PEG3: variants seen among roughly 807,000 people sequenced by gnomAD.
PEG3 encodes the protein paternally expressed 3.
Under a neutral mutation model 35.5 loss-of-function variants are expected in PEG3, and 23 were observed. That is an observed-to-expected ratio of 0.65 (90% CI 0.47 to 0.92). The LOEUF (loss-of-function observed/expected upper bound fraction) is 0.92, where lower values mean the gene tolerates loss of function less well. PEG3 is among the 40% of genes least tolerant of loss of function. PEG3 has a pLI of 0.00. For synonymous variants in PEG3, 707 were observed against 697.0 expected (o/e 1.01, Z -0.23); for missense variants, 1,960 against 1,985.3 (o/e 0.99, Z 0.24).
Position 56,815,658 on chromosome 19 carries a change from A to G in PEG3, c.2784T>C (p.Asn928=). 6.2e-7 allele frequency: 1 copy of G among 1,614,124 alleles called. No individual in the cohort carries two copies. Among genetic ancestry groups the G allele is most frequent in the Non-Finnish European group, 8.5e-7 (1 of 1,179,992 alleles). ...KDGEFSVPSS[N]VREYQKARAK... is the part of the protein sequence containing the mutation. ...CACGAGCCTTCTGGTATTCACGGAC[A>G]TTTGAGCTGGGAACAGAGAATTCGC... is the stretch of plus-strand genomic sequence containing the variant. Residue 928 remains asparagine, a synonymous_variant, in exon 10 of 10, where the codon AAT becomes AAC. Transcript: ENST00000326441.
rs2059639338 is a variant in PEG3 at position 56,812,949 on chromosome 19, A to G, written c.*726T>C. 8.1e-6 allele frequency: 8 copies of G among 985,742 alleles called. No homozygotes were observed. The highest frequency in any genetic ancestry group is 9.6e-6 in the Non-Finnish European group (8 of 829,924). 61.1% of individuals were successfully genotyped at this position (985,742 alleles called of 1,614,324 possible). A position where few individuals can be genotyped will look rare whatever the true frequency, so the allele number is the denominator to read the frequency against. On this transcript the variant is annotated 3_prime_UTR_variant, in exon 10 of 10. Coordinates refer to ENST00000326441, the MANE Select transcript of PEG3 (RefSeq NM_006210.3). ...ATCCGTATATTGTAAAGCCTTACACAGTATTAGGTTCCAAAGTGTTGGCGC... is the reference window on the plus strand; with the variant it reads ...ATCCGTATATTGTAAAGCCTTACACGGTATTAGGTTCCAAAGTGTTGGCGC...
At chr19:56,823,820 C>G in intron 4 of PEG3, 141 bp from the exon 5 acceptor site, 2 of 991,386 alleles carry the variant, frequency 2.0e-6, no homozygotes, top group Non-Finnish European at 3.0e-6. Context: ...GTTCAAAACC[C>G]TTCAGCGGCT....
chr19:56,816,117 C>G lies in PEG3; in HGVS notation c.2325G>C (p.Glu775Asp). ...AGGCTAAGCTATGAATAACAGACCT[C>G]TCATATGATTTTGCCTCATAGACAT... ...KENVYEAKSY[E>D]RSVIHSLASV... Residue 775 changes from glutamate to aspartate, a missense_variant, in exon 10 of 10, where the codon GAG (glutamate) becomes GAC (aspartate). Physicochemically the swap from Glu to Asp is conservative, Grantham distance 45. Transcript: ENST00000326441. The G allele has an allele frequency of 6.2e-7, 1 of 1,613,014 alleles. No homozygotes were observed. Among genetic ancestry groups the G allele is most frequent in the East Asian group, 2.2e-5 (1 of 44,870 alleles).
At chr19:56,820,951 C>G (rs1254538358) in intron 7 of PEG3, among the ~76,000 whole-genome samples, 1 of 152,216 alleles carries the variant, frequency 6.6e-6, no homozygotes, top group Non-Finnish European at 1.5e-5. Flanking sequence ...CTCCTCCACA[C>G]TCCACCATGT....
At chr19:56,826,721 C>A (rs1447413323) in intron 2 of PEG3, among the ~76,000 whole-genome samples, 4 of 152,224 alleles carry the variant, frequency 2.6e-5, no homozygotes, top group South Asian at 2.1e-4. Flanking sequence ...AAACCACGAA[C>A]CAAAACTCAT....
rs373077661 is a variant in PEG3 at position 56,824,280 on chromosome 19, C to G, written c.376G>C (p.Glu126Gln). ...KLVTLLENYK[E>Q]MYQPEDDNNS... is the part of the protein sequence containing the mutation. ...CTCTCACCTTCTGGTTGGTACATCT[C>G]CTTGTAATTCTCCAGCAGAGTGACG... is the stretch of plus-strand genomic sequence containing the variant. The change falls in exon 4 of 10, where the codon GAG becomes CAG. Residue 126 changes from glutamate (E) to glutamine (Q), a missense_variant. By Grantham distance (29) the Glu-to-Gln change is conservative. Coordinates refer to ENST00000326441, the MANE Select transcript of PEG3 (RefSeq NM_006210.3). 3 of 1,613,506 alleles carry G rather than the reference C, an allele frequency of 1.9e-6. No individual in the cohort carries two copies. Among genetic ancestry groups the G allele is most frequent in the African/African-American group, 1.3e-5 (1 of 74,616 alleles).
chr19:56,829,722 A>C (rs938391569), intron 2 of PEG3, among the ~76,000 whole-genome samples: 1 of 152,212 alleles, frequency 6.6e-6, no homozygotes, highest in African/African-American at 2.4e-5. Flanking sequence ...TTGCTGCCCA[A>C]AGGGCAACTA....
Position 56,815,908 on chromosome 19 carries a change from CTTG to C in PEG3, c.2531_2533del (p.Pro844del). The C allele has an allele frequency of 1.2e-6, 2 of 1,611,840 alleles. No individual in the cohort carries two copies. Among genetic ancestry groups the C allele is most frequent in the Non-Finnish European group, 1.7e-6 (2 of 1,178,888 alleles). On this transcript the variant is annotated inframe_deletion, in exon 10 of 10. Transcript: ENST00000326441. ...CACCAATTCATTTCCATTGTGACTTCTTGGAGGTTTGGAAGCCACTAAGCTATG... is the reference window on the plus strand; with the variant it reads ...CACCAATTCATTTCCATTGTGACTTCGAGGTTTGGAAGCCACTAAGCTATG...
At position 56,817,513 on chromosome 19, in the gene PEG3, G is replaced by C. The variant is rs753830090; in HGVS notation, c.929C>G (p.Ser310Cys). 71 of 1,609,302 alleles carry C rather than the reference G, an allele frequency of 4.4e-5. No individual in the cohort carries two copies. The highest frequency in any genetic ancestry group is 5.9e-5 in the Non-Finnish European group (69 of 1,177,116). The change falls in exon 10 of 10, where the codon TCC becomes TGC. Residue 310 changes from serine to cysteine, a missense_variant. Around this residue, in one of 5 missense-constraint regions of PEG3, gnomAD observed 613 missense variants for 577.1 expected, o/e 1.06. Coordinates refer to ENST00000326441, the MANE Select transcript of PEG3 (RefSeq NM_006210.3). ...HRRGICEDES[S>C]HGVIMEKFIK... ...GAATTTTTCCATTATCACTCCGTGG[G>C]AAGATTCATCTTCACAAATCCCCCG...
rs376551135 is a variant in PEG3, at chr19:56,821,659, G to A, written c.661C>T (p.Arg221Ter). ...AGGAAACCTGAGCATACCTGAGATC[G>A]GGACTCATAAGCCCTGGAGTCCCTG... ...DDRDSRAYES[R>*]SQDAESYQNV... Residue 221 changes from arginine (R) to a stop codon, truncating the protein, a stop_gained, in exon 7 of 10, where the codon CGA (arginine) becomes TGA (stop). Transcript: ENST00000326441. LOFTEE classifies it high-confidence loss of function. 2 of 1,613,856 alleles carry A rather than the reference G, an allele frequency of 1.2e-6. No homozygotes were observed. The highest frequency in any genetic ancestry group is 1.7e-6 in the Non-Finnish European group (2 of 1,179,980).
At chr19:56,839,017 C>A (rs1026277541) in intron 1 of PEG3, among the ~76,000 whole-genome samples, 13 of 152,254 alleles carry the variant, frequency 8.5e-5, no homozygotes, top group African/African-American at 2.6e-4. Context: ...GCAACGCCTG[C>A]GCGGCAAACC....
chr19:56,818,669 C>A lies in PEG3; in HGVS notation c.703G>T (p.Ala235Ser). 1.9e-6 allele frequency: 3 copies of A among 1,614,122 alleles called. No individual in the cohort carries two copies. Among genetic ancestry groups the A allele is most frequent in the South Asian group, 1.1e-5 (1 of 91,076 alleles). Residue 235 changes from alanine to serine, a missense_variant, in exon 8 of 10, where the codon GCT (alanine) becomes TCT (serine). By Grantham distance (99) the Ala-to-Ser change is moderately conservative (BLOSUM62 1). Around this residue, in one of 5 missense-constraint regions of PEG3, gnomAD observed 613 missense variants for 577.1 expected, o/e 1.06. Transcript: ENST00000326441. ...AESYQNVVDL[A>S]EDRKPHNTIQ... ...GTGTTGTGAGGTTTCCTGTCCTCAG[C>A]GAGGTCCACCACATTTTGGTATGAT...
In PEG3 at chr19:56,822,819, G is replaced by A. The variant is rs547466388; in HGVS notation, c.499C>T (p.Arg167Trp). 7.4e-5 allele frequency: 119 copies of A among 1,613,856 alleles called. No individual in the cohort carries two copies. In the East Asian group the frequency reaches 1.6e-3, roughly 21 times the overall value. ...TCCATGTCTCTGCTTCTGCCCCTCC[G>A]GTCCCAGTCCCGGTCACCTAAGCAG... ...VHSFSDRDWDRRGRSRDMEPR... is the reference protein window; with the variant it reads ...VHSFSDRDWDWRGRSRDMEPR... Residue 167 changes from arginine to tryptophan, a missense_variant, in exon 6 of 10, where the codon CGG becomes TGG. By Grantham distance (101) the Arg-to-Trp change is moderately radical. Transcript: ENST00000326441.
intron 2 of PEG3, among the ~76,000 whole-genome samples, 173 bp downstream of exon 2, chr19:56,835,845 G>T (rs1392999266): frequency 2.0e-5 from 3 of 152,222 alleles, no homozygotes; most frequent in Non-Finnish European, 4.4e-5. Flanking sequence ...AGGCCAAGGA[G>T]AATTTTTAGA....
chr19:56,822,369 G>A (rs926903157), intron 6 of PEG3: 2 of 198,060 alleles, frequency 1.0e-5, no homozygotes, highest in Non-Finnish European at 2.1e-5. Context: ...ACTGCAGGAA[G>A]TCATGGCAGA....
intron 1 of PEG3, among the ~76,000 whole-genome samples, chr19:56,840,193 G>A (rs530751458): frequency 6.6e-6 from 1 of 152,194 alleles, no homozygotes; most frequent in Non-Finnish European, 1.5e-5. Flanking sequence ...GACCTTGCTG[G>A]ACTTGCCGTG....
intron 1 of PEG3, among the ~76,000 whole-genome samples, chr19:56,837,338 C>T (rs2062264225): frequency 6.6e-6 from 1 of 152,192 alleles, no homozygotes; most frequent in Non-Finnish European, 1.5e-5. Flanking sequence ...TGAATTTTTC[C>T]ACCTCCAGCT....
intron 3 of PEG3, among the ~76,000 whole-genome samples, chr19:56,825,285 C>A (rs2060911251): frequency 6.6e-6 from 1 of 152,162 alleles, no homozygotes; most frequent in Non-Finnish European, 1.5e-5. Flanking sequence ...GAAGACCATT[C>A]AAAAATATTA....
chr19:56,813,097 T>C lies in PEG3; in HGVS notation c.*578A>G, dbSNP rs1232645761. The C allele has an allele frequency of 1.5e-5, 15 of 984,788 alleles. No individual in the cohort carries two copies. The highest frequency in any genetic ancestry group is 1.8e-5 in the Non-Finnish European group (15 of 829,538). The allele number at this position is 984,788 out of a possible 1,614,324, so 61.0% of individuals were successfully genotyped here. A position where few individuals can be genotyped will look rare whatever the true frequency, so the allele number is the denominator to read the frequency against. ...TATTTAAGGGTAAGAAACAAAACAA[T>C]TACTCAAAAAGATATTGACAGGGTT... On this transcript the variant is annotated 3_prime_UTR_variant, in exon 10 of 10. Transcript: ENST00000326441.
Sources: gnomAD v4.1 joint callset for allele counts (sites outside exome capture counted in the v4.1 genomes callset) on GRCh38, gnomAD v4.1.1 for gene constraint, gnomAD v4.1.1 regional missense constraint, MANE v1.5 for transcripts, NCBI Gene and HGNC (gene_info 2026-07-23, HGNC 2026-07-21) for gene names.